The following SPARC variants were observed in gnomAD, a reference collection of about 807,000 sequenced individuals.
The protein encoded by SPARC is basement-membrane protein 40.
A neutral mutation model predicts 37.7 loss-of-function variants in SPARC; 23 were observed. The ratio of observed to expected loss-of-function variants is 0.61; its 90% CI spans 0.44 to 0.87. The LOEUF (loss-of-function observed/expected upper bound fraction) is 0.87. SPARC is among the 40% of genes least tolerant of loss of function. SPARC has a pLI of 0.00. For missense variants in SPARC, 312 were observed against 389.0 expected, an observed-to-expected ratio of 0.80 and a Z score of 1.66; for synonymous variants, 155 against 150.8, an observed-to-expected ratio of 1.03 and a Z score of -0.20.
rs994479446 is a variant in SPARC, at chr5:151,663,286, C to T, written c.*285G>A. ...TGTTTAAGGCAGAGCCCAGCAGATC[C>T]GTGTCCACCCATGTGCCAATAAGAC... On this transcript the variant is annotated 3_prime_UTR_variant, in exon 10 of 10. Coordinates refer to ENST00000231061, the MANE Select transcript of SPARC (RefSeq NM_003118.4). The T allele has an allele frequency of 4.6e-6, 2 of 433,998 alleles. No homozygotes were observed. The highest frequency in any genetic ancestry group is 3.2e-5 in the South Asian group (1 of 30,996). 26.9% of individuals were successfully genotyped at this position (433,998 alleles called of 1,614,324 possible).
In SPARC at chr5:151,666,546, T is replaced by C. The variant is rs113187222; in HGVS notation, c.586-37A>G. ...GAGACTGTGTGTGACAAGAGGTCCATGGAGATTGTCTGGACCAGTCGGGCC... is the reference window on the plus strand; with the variant it reads ...GAGACTGTGTGTGACAAGAGGTCCACGGAGATTGTCTGGACCAGTCGGGCC... On this transcript the variant is annotated intron_variant, in intron 7 of 9. Coordinates refer to ENST00000231061, the MANE Select transcript of SPARC (RefSeq NM_003118.4). 15,170 of 1,602,504 alleles carry C rather than the reference T, an allele frequency of 9.5e-3. 87 individuals carry two copies. Among genetic ancestry groups the C allele is most frequent in the Non-Finnish European group, 0.011 (13,057 of 1,172,720 alleles).
In SPARC at chr5:151,662,605, A is replaced by T. The variant is rs931827447; in HGVS notation, c.*966T>A. 6.6e-6 allele frequency: 1 copy of T among 152,628 alleles called. No individual in the cohort carries two copies. Among genetic ancestry groups the T allele is most frequent in the African/African-American group, 2.4e-5 (1 of 41,444 alleles). 9.5% of individuals were successfully genotyped at this position (152,628 alleles called of 1,614,324 possible). On this transcript the variant is annotated 3_prime_UTR_variant, in exon 10 of 10. Coordinates refer to ENST00000231061, the MANE Select transcript of SPARC (RefSeq NM_003118.4). ...CCCATTAACTTTGAAGTTTCTCTTG[A>T]TTAATAGAAGAAAAAAGGGGAGGGT...
rs546247587 is a variant in SPARC at position 151,676,315 on chromosome 5, T to C, written c.-13-114A>G. The C allele has an allele frequency of 5.2e-4, 355 of 687,790 alleles. 1 individual carries two copies. Among genetic ancestry groups the C allele is most frequent in the Admixed American group, 2.2e-3 (82 of 36,938 alleles). 42.6% of individuals were successfully genotyped at this position (687,790 alleles called of 1,614,324 possible). On this transcript the variant is annotated intron_variant, in intron 1 of 9. Coordinates refer to ENST00000231061, the MANE Select transcript of SPARC (RefSeq NM_003118.4). ...TTAGATGGTACAAGTTAAATGATAG[T>C]GAAAAACATGAGGAGGTTGGTTCCA... is the stretch of plus-strand genomic sequence containing the variant.
At chr5:151,667,666 C>T in intron 6 of SPARC, 66 bp from the exon 7 acceptor site, 1 of 1,551,808 alleles carries the variant, frequency 6.4e-7, no homozygotes, top group Non-Finnish European at 8.7e-7. Flanking sequence ...ACCCCAGGCC[C>T]CCACCCACCC....
chr5:151,671,790 T>C, intron 4 of SPARC, 96 bp from the exon 5 acceptor site: 1 of 1,533,274 alleles, frequency 6.5e-7, no homozygotes, highest in Non-Finnish European at 8.9e-7. Context: ...AGTCCTTGAC[T>C]GTGGCCCCCA....
intron 7 of SPARC, among the ~76,000 whole-genome samples, chr5:151,666,936 A>C (rs1308607737): frequency 6.6e-6 from 1 of 152,210 alleles, no homozygotes; most frequent in Non-Finnish European, 1.5e-5. Context: ...AGGCAGGGGA[A>C]TCACTTGAAC....
At chr5:151,685,422 TCACACACACA>T (rs3033198) in intron 1 of SPARC, among the ~76,000 whole-genome samples, 3 of 140,432 alleles carry the variant, frequency 2.1e-5, no homozygotes, top group African/African-American at 5.4e-5. Flanking sequence ...CCTCTCTCTC[TCACACACACA>T]CACACACACA....
chr5:151,672,373 A>G (rs1214895056), intron 4 of SPARC, among the ~76,000 whole-genome samples: 1 of 152,144 alleles, frequency 6.6e-6, no homozygotes, highest in African/African-American at 2.4e-5. Flanking sequence ...ATAATCCTTT[A>G]GCGGATGCCT....
chr5:151,669,749 G>A lies in SPARC; in HGVS notation c.366C>T (p.Ser122=). 1 of 1,614,208 alleles carries A rather than the reference G, an allele frequency of 6.2e-7. No individual in the cohort carries two copies. The highest frequency in any genetic ancestry group is 8.5e-7 in the Non-Finnish European group (1 of 1,180,036). The part of the protein sequence containing the change: ...CSNDNKTFDS[S]CHFFATKCTL... ...TGCACTTTGTGGCAAAGAAGTGGCA[G>A]GAAGAGTCGAAGGTCTTGTTGTCAT... Residue 122 remains serine, a synonymous_variant, in exon 6 of 10, where the codon TCC becomes TCT. Coordinates refer to ENST00000231061, the MANE Select transcript of SPARC (RefSeq NM_003118.4).
intron 1 of SPARC, among the ~76,000 whole-genome samples, chr5:151,680,765 T>C (rs191550682): frequency 2.6e-5 from 4 of 152,284 alleles, no homozygotes; most frequent in Admixed American, 2.0e-4. Context: ...ATGGAAACAA[T>C]AACATACCAA....
chr5:151,674,189 T>C (rs1038365543), intron 3 of SPARC, among the ~76,000 whole-genome samples: 2 of 151,996 alleles, frequency 1.3e-5, no homozygotes, highest in African/African-American at 4.8e-5. Flanking sequence ...TTTTTTGTAT[T>C]TTTAGTAGAG....
chr5:151,673,351 T>C (rs1436255805), intron 3 of SPARC, 135 bp from the exon 4 acceptor site: 2 of 699,372 alleles, frequency 2.9e-6, no homozygotes, highest in African/African-American at 3.5e-5. Context: ...AGGCCTGCTG[T>C]GTTTTGCAGT....
At chr5:151,670,637 G>T (rs1760728265) in intron 5 of SPARC, among the ~76,000 whole-genome samples, 1 of 152,126 alleles carries the variant, frequency 6.6e-6, no homozygotes, top group Non-Finnish European at 1.5e-5. Flanking sequence ...GTCGATCTCT[G>T]AACATAGGGG....
intron 1 of SPARC, among the ~76,000 whole-genome samples, chr5:151,685,649 C>T (rs899358881): frequency 6.6e-6 from 1 of 152,182 alleles, no homozygotes; most frequent in Admixed American, 6.5e-5. Flanking sequence ...TAAGATCACA[C>T]ATAAAATGCA....
chr5:151,661,808 C>G lies in SPARC; in HGVS notation c.*1763G>C, dbSNP rs752803254. 1 of 152,138 alleles carries G rather than the reference C, an allele frequency of 6.6e-6. No homozygotes were observed. Among genetic ancestry groups the G allele is most frequent in the Non-Finnish European group, 1.5e-5 (1 of 68,024 alleles). 9.4% of individuals were successfully genotyped at this position (152,138 alleles called of 1,614,324 possible). On this transcript the variant is annotated 3_prime_UTR_variant, in exon 10 of 10. Coordinates refer to ENST00000231061, the MANE Select transcript of SPARC (RefSeq NM_003118.4). ...TGTTGCTAGTGTGATTGGGGAGCTG[C>G]GTTTTGAATGTTAACTAATTTAAAT...
intron 9 of SPARC, 78 bp from the exon 10 acceptor site, chr5:151,663,677 C>G (rs1581517944): frequency 7.0e-7 from 1 of 1,430,196 alleles, no homozygotes; most frequent in East Asian, 2.3e-5. Flanking sequence ...TCAGTGGACT[C>G]CCACCCATCC....
intron 6 of SPARC, among the ~76,000 whole-genome samples, chr5:151,669,343 T>A (rs1760697565): frequency 1.3e-5 from 2 of 152,206 alleles, no homozygotes; most frequent in African/African-American, 4.8e-5. Context: ...AAGATTCAAC[T>A]TAGCCTGAGA....
intron 1 of SPARC, among the ~76,000 whole-genome samples, chr5:151,677,495 T>C (rs1760884874): frequency 6.6e-6 from 1 of 152,128 alleles, no homozygotes; most frequent in Non-Finnish European, 1.5e-5. Flanking sequence ...TGGAGAAAAA[T>C]ACTCAGCTTG....
chr5:151,672,889 G>T, intron 4 of SPARC: 1 of 522,786 alleles, frequency 1.9e-6, no homozygotes, highest in Non-Finnish European at 3.5e-6. Flanking sequence ...ATTTCCAGCT[G>T]GAGAACTCTC....
Sources: allele counts gnomAD v4.1 joint callset (sites outside exome capture counted in the v4.1 genomes callset), GRCh38; gene constraint gnomAD v4.1.1; transcripts MANE v1.5; gene names NCBI Gene and HGNC (gene_info 2026-07-23, HGNC 2026-07-21).